The following RPL3 variants were observed in gnomAD, a reference collection of about 807,000 sequenced individuals.
RPL3 encodes ribosomal protein L3.
RPL3 carries 3 observed loss-of-function variants against 46.0 expected under a neutral mutation model. The ratio of observed to expected loss-of-function variants is 0.07; its 90% CI spans 0.03 to 0.17. The LOEUF (loss-of-function observed/expected upper bound fraction) is 0.17. Ranked by LOEUF, RPL3 falls within the 10% of genes least tolerant of loss-of-function variation. The probability of loss-of-function intolerance (pLI) is 1.00; values close to 1 mark genes in which losing one functional copy is unlikely to be tolerated. For synonymous variants in RPL3, 224 were observed against 190.8 expected (o/e 1.17, Z -1.43); for missense variants, 387 against 532.7 (o/e 0.73, Z 2.69).
At chr22:39,319,402 A>C in intron 1 of RPL3, 193 bp downstream of exon 1, 2 of 753,166 alleles carry the variant, frequency 2.7e-6, no homozygotes, top group Non-Finnish European at 4.4e-6. Flanking sequence ...GCAGGCCCAA[A>C]GCCAGTCCTC....
In RPL3 at chr22:39,315,569, G is replaced by GAC. The variant is rs540148307; in HGVS notation, c.502-16_502-15dup. On this transcript the variant is annotated splice_polypyrimidine_tract_variant and intron_variant, in intron 4 of 9. Transcript: ENST00000216146. ...AAGCAGGCGCATCTAGGAGAAGGTA[G>GAC]ACACAGCTCAGCTCCAGCTGCCAGC... 6.9e-4 allele frequency: 1,115 copies of GAC among 1,613,424 alleles called. 8 individuals are homozygous for GAC. In the African/African-American group the frequency reaches 0.012, roughly 18 times the overall value.
intron 2 of RPL3, 179 bp downstream of exon 2, chr22:39,318,221 G>A: frequency 1.6e-6 from 1 of 626,430 alleles, no homozygotes; most frequent in Non-Finnish European, 2.7e-6. Context: ...ACCATCTGTA[G>A]CCTTGGAATA....
intron 5 of RPL3, 58 bp downstream of exon 5, chr22:39,315,311 G>T (rs756075233): frequency 1.9e-6 from 3 of 1,607,368 alleles, no homozygotes; most frequent in Non-Finnish European, 8.5e-7. Flanking sequence ...GAACAGCTGG[G>T]CCTGAAACCA....
At chr22:39,317,427 CCCAAGCTA>C (rs1357615980) in intron 3 of RPL3, 26 bp downstream of exon 3, 2 of 1,595,338 alleles carry the variant, frequency 1.3e-6, no homozygotes, top group Admixed American at 1.7e-5. Flanking sequence ...CTCCCAAGCT[CCCAAGCTA>C]GGGACTGCAT....
At chr22:39,314,917 A>G in intron 5 of RPL3, 71 bp from the exon 6 acceptor site, 1 of 1,568,690 alleles carries the variant, frequency 6.4e-7, no homozygotes, top group South Asian at 1.1e-5. Context: ...CTACTCAGCA[A>G]TTACCAACCA....
At chr22:39,318,162 T>A in intron 2 of RPL3, 2 of 500,128 alleles carry the variant, frequency 4.0e-6, no homozygotes, top group Non-Finnish European at 7.0e-6. Flanking sequence ...GCAAATTTAC[T>A]ATGCTCTGAA....
rs775835139 is a variant in RPL3, at chr22:39,319,121, C to G, written c.3+474G>C. 5.6e-6 allele frequency: 3 copies of G among 539,972 alleles called. No homozygotes were observed. In the African/African-American group the frequency reaches 5.7e-5, roughly 10 times the overall value. The allele number at this position is 539,972 out of a possible 1,614,324, so 33.4% of individuals were successfully genotyped here. On this transcript the variant is annotated intron_variant, in intron 1 of 9. Transcript: ENST00000216146. ...ATAAGTTCATCATCTGTGGTTTCTG[C>G]GAGCTCCAGAGGCCTTCGGAGTGCA...
intron 4 of RPL3, 70 bp downstream of exon 4, chr22:39,316,636 G>A (rs1374532449): frequency 1.0e-5 from 16 of 1,598,690 alleles, no homozygotes; most frequent in East Asian, 4.5e-5. Flanking sequence ...TGCGGGCACG[G>A]GACCCCCATG....
intron 1 of RPL3, 107 bp downstream of exon 1, chr22:39,319,488 C>G: frequency 6.7e-7 from 1 of 1,495,014 alleles, no homozygotes. Flanking sequence ...GCCCGTGCCC[C>G]TAAAGCAAAC....
intron 3 of RPL3, 55 bp downstream of exon 3, chr22:39,317,406 C>A: frequency 1.3e-6 from 2 of 1,580,692 alleles, no homozygotes; most frequent in Admixed American, 3.5e-5. Flanking sequence ...ACGCTGCTCC[C>A]TGCTCTCCAG....
Position 39,317,633 on chromosome 22 carries a change from C to CA in RPL3, c.197-5dup, listed in dbSNP as rs201453499. The stretch of plus-strand genomic sequence containing the variant: ...ACCACCTCCTTCTTGTTCACCTCTG[C>CA]AAAAAAAAAGCAGTAGTCAGACTTG... On this transcript the variant is annotated splice_polypyrimidine_tract_variant and splice_region_variant and intron_variant, in intron 2 of 9. Transcript: ENST00000216146. The CA allele has an allele frequency of 4.7e-4, 726 of 1,551,016 alleles. 1 individual carries two copies. The highest frequency in any genetic ancestry group is 1.7e-3 in the Admixed American group (89 of 53,722).
intron 3 of RPL3, 129 bp downstream of exon 3, chr22:39,317,332 C>T (rs1028126946): frequency 1.9e-5 from 21 of 1,082,708 alleles, no homozygotes; most frequent in South Asian, 3.2e-5. Flanking sequence ...TTTTTCTGTT[C>T]GAGAGGCAAA....
chr22:39,315,083 A>G (rs1922596118), intron 5 of RPL3: 1 of 703,300 alleles, frequency 1.4e-6, no homozygotes, highest in Non-Finnish European at 2.5e-6. Context: ...CCCCATTCAC[A>G]GGGACTGACT....
intron 5 of RPL3, 23 bp downstream of exon 5, chr22:39,315,346 A>C: frequency 6.2e-7 from 1 of 1,613,778 alleles, no homozygotes; most frequent in South Asian, 1.1e-5. Context: ...TTGCACAGCA[A>C]CTCAAGCCAC....
At chr22:39,313,395 A>G in intron 8 of RPL3, 85 bp from the exon 9 acceptor site, 2 of 1,576,426 alleles carry the variant, frequency 1.3e-6, no homozygotes, top group Non-Finnish European at 1.7e-6. Flanking sequence ...GCATCTGGGA[A>G]GCCACACGAT....
At chr22:39,313,169 G>C in intron 9 of RPL3, 22 bp downstream of exon 9, 1 of 1,606,204 alleles carries the variant, frequency 6.2e-7, no homozygotes, top group Non-Finnish European at 8.5e-7. Context: ...ACCCAGCGAG[G>C]GGGGCAGGCA....
At chr22:39,319,554 G>C in intron 1 of RPL3, 41 bp downstream of exon 1, 1 of 1,559,942 alleles carries the variant, frequency 6.4e-7, no homozygotes, top group South Asian at 1.2e-5. Context: ...CAGCCGTGCC[G>C]ACGCCGGTGA....
chr22:39,319,428 A>G (rs957485005), intron 1 of RPL3, 167 bp downstream of exon 1: 3 of 934,506 alleles, frequency 3.2e-6, no homozygotes, highest in East Asian at 2.7e-5. Context: ...GCTCTTCACA[A>G]GCCTCTCGAC....
At chr22:39,315,019 C>T in intron 5 of RPL3, 173 bp from the exon 6 acceptor site, 1 of 905,070 alleles carries the variant, frequency 1.1e-6, no homozygotes, top group South Asian at 1.6e-5. Context: ...GGGGGTGTCA[C>T]CCTGAACTCA....
Sources: allele counts gnomAD v4.1 joint callset, GRCh38; gene constraint gnomAD v4.1.1; transcripts MANE v1.5; gene names NCBI Gene and HGNC (gene_info 2026-07-23, HGNC 2026-07-21).